The following PNPLA5 variants were observed in gnomAD, a reference collection of about 807,000 sequenced individuals.
PNPLA5 encodes patatin like domain 5, triacylglycerol lipase.
In PNPLA5, 44 loss-of-function variants were observed where a neutral mutation model predicts 49.1. The ratio of observed to expected loss-of-function variants is 0.90; its 90% confidence interval spans 0.70 to 1.15. The LOEUF (loss-of-function observed/expected upper bound fraction) is 1.15, where lower values mean the gene tolerates loss of function less well. Among genes scored for constraint, PNPLA5 ranks in the 50% most tolerant of loss-of-function variants. PNPLA5 has a pLI of 0.00. For missense variants in PNPLA5, 603 were observed against 564.0 expected (o/e 1.07, Z -0.70); for synonymous variants, 243 against 244.4 (o/e 0.99, Z 0.06).
Position 43,880,693 on chromosome 22 carries a change from T to G in PNPLA5, c.*102A>C. The G allele has an allele frequency of 8.9e-7, 1 of 1,125,648 alleles. No homozygotes were observed. Among genetic ancestry groups the G allele is most frequent in the Non-Finnish European group, 1.1e-6 (1 of 885,120 alleles). The allele number at this position is 1,125,648 out of a possible 1,614,324, so 69.7% of individuals were successfully genotyped here. A position where few individuals can be genotyped will look rare whatever the true frequency, so the allele number is the denominator to read the frequency against. On this transcript the variant is annotated 3_prime_UTR_variant, in exon 9 of 9. Coordinates refer to ENST00000216177, the MANE Select transcript of PNPLA5 (RefSeq NM_138814.4). ...CAAGCTGCAGGGTCTCCACGGAGAT[T>G]GGCAGGGCCTCTTCCCGCTGGGGCA...
intron 5 of PNPLA5, 81 bp downstream of exon 5, chr22:43,887,510 G>T: frequency 6.7e-7 from 1 of 1,503,510 alleles, no homozygotes. Context: ...CATGTCCCTA[G>T]CAGCTCAAAG....
At position 43,891,734 on chromosome 22, in the gene PNPLA5, C is replaced by A; in HGVS notation, c.147G>T (p.Ser49=). The change falls in exon 1 of 9, where the codon TCG becomes TCT. Residue 49 remains serine (S), a synonymous_variant. Coordinates refer to ENST00000216177, the MANE Select transcript of PNPLA5 (RefSeq NM_138814.4). Reference sequence around the variant, plus strand: ...TGCTGACTGCGTTGAGCGCCCCAGACGAGGAACCGTAGATGCGGCGGGCGC... The same window carrying A: ...TGCTGACTGCGTTGAGCGCCCCAGAAGAGGAACCGTAGATGCGGCGGGCGC... The part of the protein sequence containing the change: ...LQGARRIYGS[S]SGALNAVSIV... 6.5e-7 allele frequency: 1 copy of A among 1,547,646 alleles called. No individual in the cohort carries two copies.
At position 43,885,157 on chromosome 22, in the gene PNPLA5, C is replaced by A. The variant is rs186546123; in HGVS notation, c.950-812G>T. 6.6e-5 allele frequency among the ~76,000 whole-genome samples: 10 copies of A among 152,330 alleles called. No individual in the cohort carries two copies. The East Asian group carries it at 1.7e-3, about 26-fold the overall frequency. On this transcript the variant is annotated intron_variant, in intron 6 of 8. Transcript: ENST00000216177. Reference sequence around the variant, plus strand: ...AGCGCCCAGGAGTTGGTGCTCCACCCGAGGCAGCTCTCTGGTGCCCCCGTG... The same window carrying A: ...AGCGCCCAGGAGTTGGTGCTCCACCAGAGGCAGCTCTCTGGTGCCCCCGTG...
At chr22:43,885,150 C>T (rs2049649728) in intron 6 of PNPLA5, among the ~76,000 whole-genome samples, 1 of 152,232 alleles carries the variant, frequency 6.6e-6, no homozygotes, top group Non-Finnish European at 1.5e-5. Context: ...GGAGTTGGTG[C>T]TCCACCCGAG....
intron 2 of PNPLA5, 98 bp downstream of exon 2, chr22:43,890,964 C>T: frequency 6.9e-7 from 1 of 1,457,514 alleles, no homozygotes; most frequent in South Asian, 1.3e-5. Flanking sequence ...CCTCCTTCCG[C>T]CCCTGCAGAA....
intron 2 of PNPLA5, among the ~76,000 whole-genome samples, chr22:43,890,845 C>T (rs1483078016): frequency 6.6e-6 from 1 of 152,230 alleles, no homozygotes; most frequent in Non-Finnish European, 1.5e-5. Flanking sequence ...CTCTGCCGGG[C>T]CCCAGCCAGA....
Position 43,891,835 on chromosome 22 carries a change from C to G in PNPLA5, c.46G>C (p.Gly16Arg). The change falls in exon 1 of 9, where the codon GGC becomes CGC. Residue 16 changes from glycine (G) to arginine (R), a missense_variant. Transcript: ENST00000216177. ...EEGRWNLSFS[G>R]AGYLGAHHVG... ...TGGTGGGCGCCCAGGTAGCCGGCGC[C>G]GGAGAAGGACAGGTTCCATCTGCCC... is the stretch of plus-strand genomic sequence containing the variant. 6.6e-7 allele frequency: 1 copy of G among 1,519,474 alleles called. No homozygotes were observed. Among genetic ancestry groups the G allele is most frequent in the Non-Finnish European group, 8.8e-7 (1 of 1,138,608 alleles). The allele number at this position is 1,519,474 out of a possible 1,614,324, so 94.1% of individuals were successfully genotyped here.
In PNPLA5 at chr22:43,889,883, G is replaced by A; in HGVS notation, c.427-19C>T. 3.7e-6 allele frequency: 6 copies of A among 1,612,936 alleles called. No individual in the cohort carries two copies. The highest frequency in any genetic ancestry group is 5.1e-6 in the Non-Finnish European group (6 of 1,179,688). On this transcript the variant is annotated intron_variant, in intron 2 of 8. Transcript: ENST00000216177. ...CCAAGGCCTAGGAAGAGAAGAGTCA[G>A]CAGGAACACAACTGTGCATGCTTCT...
chr22:43,884,086 G>A (rs1910430238), intron 7 of PNPLA5, 127 bp downstream of exon 7: 1 of 806,686 alleles, frequency 1.2e-6, no homozygotes, highest in Non-Finnish European at 1.9e-6. Context: ...ACAGTGTGGG[G>A]ACACCAGCCG....
chr22:43,889,207 G>A, intron 4 of PNPLA5, 122 bp downstream of exon 4: 1 of 1,100,030 alleles, frequency 9.1e-7, no homozygotes, highest in Non-Finnish European at 1.3e-6. Context: ...GTGAGACTCG[G>A]GACATGTGTT....
chr22:43,887,705 A>G (rs2148329001), intron 4 of PNPLA5, 54 bp from the exon 5 acceptor site: 1 of 1,563,688 alleles, frequency 6.4e-7, no homozygotes, highest in Non-Finnish European at 8.7e-7. Flanking sequence ...CTACCCCTCG[A>G]GTGGATGTCA....
At chr22:43,881,815 G>C in intron 7 of PNPLA5, 141 bp from the exon 8 acceptor site, 1 of 1,416,976 alleles carries the variant, frequency 7.1e-7, no homozygotes, top group South Asian at 1.5e-5. Context: ...GGCCAGCAGC[G>C]TTGGCCACTG....
rs1317093021 is a variant in PNPLA5, at chr22:43,891,815, G to T, written c.66C>A (p.Ala22=). ...GGCATTCGGTGGCGCCCACGTGGTG[G>T]GCGCCCAGGTAGCCGGCGCCGGAGA... is the stretch of plus-strand genomic sequence containing the variant. The part of the protein sequence containing the change: ...LSFSGAGYLG[A]HHVGATECLR... The change falls in exon 1 of 9, where the codon GCC becomes GCA. Residue 22 remains alanine, a synonymous_variant. Coordinates refer to ENST00000216177, the MANE Select transcript of PNPLA5 (RefSeq NM_138814.4). The T allele has an allele frequency of 6.6e-7, 1 of 1,521,196 alleles. No individual in the cohort carries two copies. The highest frequency in any genetic ancestry group is 2.5e-5 in the East Asian group (1 of 40,256). 94.2% of individuals were successfully genotyped at this position (1,521,196 alleles called of 1,614,324 possible).
chr22:43,890,067 C>A (rs994587941), intron 2 of PNPLA5: 1 of 985,416 alleles, frequency 1.0e-6, no homozygotes, highest in Non-Finnish European at 1.2e-6. Flanking sequence ...ACACCCACCT[C>A]CTCTTTCTGT....
intron 6 of PNPLA5, 93 bp from the exon 7 acceptor site, chr22:43,884,438 C>T (rs1016923960): frequency 2.1e-6 from 3 of 1,407,806 alleles, no homozygotes; most frequent in Non-Finnish European, 2.8e-6. Context: ...AGACTGCACC[C>T]CCTCCACCTT....
rs1178345379 is a variant in PNPLA5, at chr22:43,889,437, C to G, written c.594G>C (p.Gln198His). The change falls in exon 4 of 9, where the codon CAG becomes CAC. Residue 198 changes from glutamine to histidine, a missense_variant. Physicochemically the swap from Gln to His is conservative, Grantham distance 24. Coordinates refer to ENST00000216177, the MANE Select transcript of PNPLA5 (RefSeq NM_138814.4). ...PFHGTVDICP[Q>H]STSPNLHELN... The stretch of plus-strand genomic sequence containing the variant: ...GCTCATGCAGGTTGGGGGAGGTGCT[C>G]TGGGGGCAGATGTCCACTGTCCCAT... 3 of 1,613,960 alleles carry G rather than the reference C, an allele frequency of 1.9e-6. No individual in the cohort carries two copies. The African/African-American group carries it at 4.0e-5, about 22-fold the overall frequency.
chr22:43,882,342 C>T (rs2049618941), intron 7 of PNPLA5, among the ~76,000 whole-genome samples: 1 of 152,336 alleles, frequency 6.6e-6, no homozygotes, highest in Non-Finnish European at 1.5e-5. Context: ...GTCTGCAGAG[C>T]CACAGCCCTG....
chr22:43,886,276 G>A (rs1340187078), intron 6 of PNPLA5, 27 bp downstream of exon 6: 2 of 1,596,734 alleles, frequency 1.3e-6, no homozygotes, highest in Non-Finnish European at 8.5e-7. Flanking sequence ...GCCCTGGTAG[G>A]TGAGCAAATG....
intron 4 of PNPLA5, chr22:43,887,858 G>A: frequency 2.6e-6 from 2 of 763,574 alleles, no homozygotes; most frequent in Non-Finnish European, 3.2e-6. Context: ...AGGCAGAACA[G>A]ATCTGCTTGG....
Sources: gnomAD v4.1 joint callset for allele counts (sites outside exome capture counted in the v4.1 genomes callset) on GRCh38, gnomAD v4.1.1 for gene constraint, MANE v1.5 for transcripts, NCBI Gene and HGNC (gene_info 2026-07-23, HGNC 2026-07-21) for gene names.